The following SPAG16 variants were observed in gnomAD, a reference collection of about 807,000 sequenced individuals.
SPAG16 encodes the protein sperm-associated antigen 16 protein.
SPAG16 carries 86 observed loss-of-function variants against 80.4 expected under a neutral mutation model. That is an observed-to-expected ratio of 1.07 (90% CI 0.90 to 1.28). SPAG16 has a LOEUF of 1.28. Ranked by LOEUF, SPAG16 falls within the 50% of genes most tolerant of loss-of-function variation. SPAG16 has a pLI of 0.00. For synonymous variants in SPAG16, 294 were observed against 265.9 expected, an observed-to-expected ratio of 1.11 and a Z score of -1.03; for missense variants, 870 against 765.3, an observed-to-expected ratio of 1.14 and a Z score of -1.61.
At chr2:213,661,743 T>C (rs893889920) in intron 10 of SPAG16, among the ~76,000 whole-genome samples, 1 of 152,218 alleles carries the variant, frequency 6.6e-6, no homozygotes. Context: ...ATGATAATGT[T>C]ATTGTTTTTC....
intron 15 of SPAG16, among the ~76,000 whole-genome samples, chr2:214,192,858 T>G (rs188634867): frequency 1.3e-5 from 2 of 152,216 alleles, no homozygotes; most frequent in East Asian, 3.9e-4. Flanking sequence ...GCTTCTGTCT[T>G]ACATCAAGTT....
chr2:213,932,011 A>G (rs1246587423), intron 12 of SPAG16, among the ~76,000 whole-genome samples: 1 of 151,726 alleles, frequency 6.6e-6, no homozygotes, highest in African/African-American at 2.4e-5. Flanking sequence ...ATATGTCTAA[A>G]ACTAGTGTCT....
chr2:213,805,522 G>A (rs111913751), intron 10 of SPAG16, among the ~76,000 whole-genome samples: 1 of 152,270 alleles, frequency 6.6e-6, no homozygotes, highest in African/African-American at 2.4e-5. Context: ...TACCTTTTAG[G>A]TTTTTAGAAG....
At chr2:214,124,874 C>T (rs777078807) in intron 14 of SPAG16, among the ~76,000 whole-genome samples, 4 of 151,732 alleles carry the variant, frequency 2.6e-5, no homozygotes, top group African/African-American at 4.8e-5. Flanking sequence ...TCACCTTGCC[C>T]TTGGGCTGTC....
intron 12 of SPAG16, among the ~76,000 whole-genome samples, chr2:213,956,027 G>A (rs996323551): frequency 1.3e-5 from 2 of 151,230 alleles, no homozygotes; most frequent in Non-Finnish European, 2.9e-5. Context: ...CAACAATCTC[G>A]GCTCACTGCA....
intron 10 of SPAG16, among the ~76,000 whole-genome samples, chr2:213,596,393 C>T (rs966276435): frequency 1.3e-5 from 2 of 152,070 alleles, no homozygotes; most frequent in Non-Finnish European, 2.9e-5. Flanking sequence ...TTTAGTTACA[C>T]AGATTTGCAT....
At position 214,172,310 on chromosome 2, in the gene SPAG16, T is replaced by G. The variant is rs571067122; in HGVS notation, c.1720+23044T>G. On this transcript the variant is annotated intron_variant, in intron 15 of 15. Coordinates refer to ENST00000331683, the MANE Select transcript of SPAG16 (RefSeq NM_024532.5). Reference sequence around the variant, plus strand: ...CCTTCCTGTGTCCATGTGTTCTCATTGTTCAATTCCCACCTATGAGTGAGA... The same window carrying G: ...CCTTCCTGTGTCCATGTGTTCTCATGGTTCAATTCCCACCTATGAGTGAGA... 1.1e-4 allele frequency among the ~76,000 whole-genome samples: 17 copies of G among 152,138 alleles called. No homozygotes were observed. The East Asian group carries it at 2.7e-3, about 24-fold the overall frequency.
At chr2:213,667,767 C>G (rs1408444623) in intron 10 of SPAG16, among the ~76,000 whole-genome samples, 1 of 152,148 alleles carries the variant, frequency 6.6e-6, no homozygotes, top group African/African-American at 2.4e-5. Flanking sequence ...CAAGTCATAT[C>G]TCACATACAT....
intron 10 of SPAG16, among the ~76,000 whole-genome samples, chr2:213,592,040 T>C (rs1341785744): frequency 6.6e-6 from 1 of 152,314 alleles, no homozygotes; most frequent in East Asian, 1.9e-4. Context: ...ATGTTTAAAA[T>C]TCATTGCTCT....
chr2:214,022,286 A>G (rs565404442), intron 13 of SPAG16, among the ~76,000 whole-genome samples: 99 of 152,234 alleles, frequency 6.5e-4, no homozygotes, highest in African/African-American at 2.4e-3. Flanking sequence ...CTTATATCCT[A>G]TATTATCTTG....
At chr2:213,824,461 A>G (rs1331476232) in intron 10 of SPAG16, among the ~76,000 whole-genome samples, 1 of 151,974 alleles carries the variant, frequency 6.6e-6, no homozygotes, top group Non-Finnish European at 1.5e-5. Flanking sequence ...CTGCATATGG[A>G]TATTCAGTTT....
intron 10 of SPAG16, among the ~76,000 whole-genome samples, chr2:213,799,716 GAAGTA>G (rs2071262109): frequency 6.6e-6 from 1 of 151,956 alleles, no homozygotes; most frequent in Admixed American, 6.6e-5. Context: ...ACTTGTCAGA[GAAGTA>G]AACTTGTTAT....
intron 6 of SPAG16, among the ~76,000 whole-genome samples, chr2:213,342,354 A>G (rs1323283660): frequency 6.9e-6 from 1 of 145,892 alleles, no homozygotes; most frequent in Non-Finnish European, 1.5e-5. Flanking sequence ...ATATATGTAT[A>G]TATATATTAC....
intron 11 of SPAG16, among the ~76,000 whole-genome samples, chr2:213,869,252 T>TAAAAAAA (rs2075835316): frequency 2.9e-5 from 2 of 68,558 alleles, no homozygotes; most frequent in African/African-American, 1.0e-4. Flanking sequence ...AAAGTCCATG[T>TAAAAAAA]CAAAAAAAAA....
chr2:214,072,789 T>A lies in SPAG16; in HGVS notation c.1528-35407T>A, dbSNP rs569468487. 1.3e-4 allele frequency among the ~76,000 whole-genome samples: 20 copies of A among 152,218 alleles called. No homozygotes were observed. In the South Asian group the frequency reaches 4.1e-3, roughly 32 times the overall value. Reference sequence around the variant, plus strand: ...AGGAGGGGTAGGACTTTTTAAAAAATGTTTAAAAATAAAAATGTAATGTAT... The same window carrying A: ...AGGAGGGGTAGGACTTTTTAAAAAAAGTTTAAAAATAAAAATGTAATGTAT... On this transcript the variant is annotated intron_variant, in intron 13 of 15. Transcript: ENST00000331683.
intron 14 of SPAG16, among the ~76,000 whole-genome samples, chr2:214,147,335 T>G (rs993029784): frequency 2.0e-5 from 3 of 152,198 alleles, no homozygotes; most frequent in African/African-American, 7.2e-5. Context: ...ATTTTTTATT[T>G]TAAGTATACT....
At chr2:214,138,307 T>C (rs2055167867) in intron 14 of SPAG16, among the ~76,000 whole-genome samples, 1 of 152,090 alleles carries the variant, frequency 6.6e-6, no homozygotes. Context: ...TAGTGGAAGA[T>C]AAGGGTTATT....
At chr2:214,016,969 G>A (rs1405104528) in intron 13 of SPAG16, among the ~76,000 whole-genome samples, 1 of 152,116 alleles carries the variant, frequency 6.6e-6, no homozygotes, top group Non-Finnish European at 1.5e-5. Flanking sequence ...TGTTAGGAGG[G>A]ATGCAAGTTC....
chr2:213,736,495 C>T (rs2067288547), intron 10 of SPAG16, among the ~76,000 whole-genome samples: 1 of 151,950 alleles, frequency 6.6e-6, no homozygotes, highest in Admixed American at 6.6e-5. Flanking sequence ...GCCATGTTGG[C>T]CAGGCTGGTC....
Sources: allele counts gnomAD v4.1 joint callset (sites outside exome capture counted in the v4.1 genomes callset), GRCh38; gene constraint gnomAD v4.1.1; transcripts MANE v1.5; gene names NCBI Gene and HGNC (gene_info 2026-07-23, HGNC 2026-07-21).